The following DSCAML1 variants were observed in gnomAD, a reference collection of about 807,000 sequenced individuals.
The protein encoded by DSCAML1 is DS cell adhesion molecule like 1.
A neutral mutation model predicts 200.5 loss-of-function variants in DSCAML1; 38 were observed. The observed-to-expected ratio is 0.19, with a 90% CI of 0.15 to 0.25. The LOEUF is 0.25. DSCAML1 is among the 10% of genes least tolerant of loss of function. DSCAML1 has a pLI of 1.00. For synonymous variants in DSCAML1, 1,215 were observed against 1,165.0 expected (o/e 1.04, Z -0.87); for missense variants, 2,223 against 2,858.8 (o/e 0.78, Z 5.07).
intron 3 of DSCAML1, among the ~76,000 whole-genome samples, chr11:117,673,974 G>C (rs879701140): frequency 6.6e-6 from 1 of 152,194 alleles, no homozygotes; most frequent in Admixed American, 6.5e-5. Context: ...AATTAGAAGC[G>C]CATGTCCCAC....
intron 26 of DSCAML1, 98 bp from the exon 27 acceptor site, chr11:117,435,897 C>T (rs967524019): frequency 1.5e-6 from 2 of 1,371,178 alleles, no homozygotes; most frequent in African/African-American, 2.9e-5. Flanking sequence ...TCTCTTGCTG[C>T]CCTTGGGCTC....
intron 3 of DSCAML1, among the ~76,000 whole-genome samples, chr11:117,664,070 C>T (rs565057165): frequency 2.0e-5 from 3 of 152,268 alleles, no homozygotes; most frequent in South Asian, 4.2e-4. Flanking sequence ...GAGGAGGGGC[C>T]GGGCCTGGGA....
chr11:117,599,360 C>G (rs1565817265), intron 3 of DSCAML1, among the ~76,000 whole-genome samples: 1 of 152,198 alleles, frequency 6.6e-6, no homozygotes, highest in Non-Finnish European at 1.5e-5. Flanking sequence ...TTCCAAATGG[C>G]TTCTCCTAAT....
At chr11:117,434,225 T>C (rs184164549) in intron 27 of DSCAML1, among the ~76,000 whole-genome samples, 122 of 151,810 alleles carry the variant, frequency 8.0e-4, no homozygotes, top group Non-Finnish European at 1.4e-3. Flanking sequence ...TCCATCCATC[T>C]AACCACCTAC....
intron 3 of DSCAML1, among the ~76,000 whole-genome samples, chr11:117,739,142 T>A (rs2054376921): frequency 6.6e-6 from 1 of 152,156 alleles, no homozygotes; most frequent in Non-Finnish European, 1.5e-5. Flanking sequence ...GAAAGAAAAC[T>A]AAGCCTCAGA....
At chr11:117,731,613 C>T (rs1033735457) in intron 3 of DSCAML1, among the ~76,000 whole-genome samples, 2 of 152,212 alleles carry the variant, frequency 1.3e-5, no homozygotes, top group African/African-American at 2.4e-5. Flanking sequence ...GGGCAATCTG[C>T]CCTCCTCCAT....
chr11:117,657,559 G>C (rs1010716309), intron 3 of DSCAML1, among the ~76,000 whole-genome samples: 1 of 152,084 alleles, frequency 6.6e-6, no homozygotes, highest in Non-Finnish European at 1.5e-5. Flanking sequence ...TTAATGCTCC[G>C]TGTCAGTGAC....
At chr11:117,783,625 G>C (rs2134059100) in intron 1 of DSCAML1, among the ~76,000 whole-genome samples, 1 of 152,110 alleles carries the variant, frequency 6.6e-6, no homozygotes, top group African/African-American at 2.4e-5. Flanking sequence ...TTACTGATAA[G>C]GAAATTATGA....
At chr11:117,623,269 T>A (rs962272836) in intron 3 of DSCAML1, among the ~76,000 whole-genome samples, 1 of 139,960 alleles carries the variant, frequency 7.1e-6, no homozygotes, top group South Asian at 2.2e-4. Context: ...AGGCTGGGAG[T>A]GCAGTGGCGT....
intron 3 of DSCAML1, among the ~76,000 whole-genome samples, chr11:117,695,198 G>T (rs930932584): frequency 6.6e-6 from 1 of 152,046 alleles, no homozygotes; most frequent in Non-Finnish European, 1.5e-5. Flanking sequence ...AAGAGGACTT[G>T]GTTATCTATG....
intron 3 of DSCAML1, among the ~76,000 whole-genome samples, chr11:117,552,084 G>A (rs1296245970): frequency 2.0e-5 from 3 of 151,950 alleles, no homozygotes; most frequent in African/African-American, 7.3e-5. Context: ...GGAGAGAGGC[G>A]AGGAGCTGCG....
At chr11:117,521,012 C>T in intron 6 of DSCAML1, 118 bp downstream of exon 6, 1 of 1,358,284 alleles carries the variant, frequency 7.4e-7, no homozygotes, top group Non-Finnish European at 1.0e-6. Context: ...GTGCACCGGC[C>T]TGGTGTGTAG....
chr11:117,795,604 T>G (rs2055557428), intron 1 of DSCAML1, among the ~76,000 whole-genome samples: 1 of 152,176 alleles, frequency 6.6e-6, no homozygotes, highest in African/African-American at 2.4e-5. Context: ...CTCAACTACT[T>G]TGTCGACGAT....
chr11:117,542,319 AAAC>A (rs1457310119), intron 3 of DSCAML1, among the ~76,000 whole-genome samples: 2 of 100,342 alleles, frequency 2.0e-5, no homozygotes, highest in Non-Finnish European at 4.3e-5. Context: ...AAACAAAACA[AAAC>A]AAAACACAAA....
chr11:117,471,776 G>A, intron 15 of DSCAML1, 93 bp downstream of exon 15: 1 of 1,454,174 alleles, frequency 6.9e-7, no homozygotes, highest in Non-Finnish European at 9.3e-7. Flanking sequence ...CCCTTTAACT[G>A]CAAGCTCATT....
chr11:117,499,951 G>C (rs1226419143), intron 11 of DSCAML1, among the ~76,000 whole-genome samples: 1 of 152,228 alleles, frequency 6.6e-6, no homozygotes, highest in African/African-American at 2.4e-5. Flanking sequence ...TTGAAGCTTA[G>C]TGTCAAGAGT....
At chr11:117,591,342 C>T (rs576969060) in intron 3 of DSCAML1, among the ~76,000 whole-genome samples, 7 of 152,256 alleles carry the variant, frequency 4.6e-5, no homozygotes, top group East Asian at 3.9e-4. Context: ...CCCTGCATCC[C>T]GTCCTGAGCG....
At position 117,751,162 on chromosome 11, in the gene DSCAML1, C is replaced by T. The variant is rs1217611450; in HGVS notation, c.511+25629G>A. ...GACGTGACTCTGCATTATCCGGGCCCGTAATGAGTCCTCATTGCAATGGGT... is the reference window on the plus strand; with the variant it reads ...GACGTGACTCTGCATTATCCGGGCCTGTAATGAGTCCTCATTGCAATGGGT... On this transcript the variant is annotated intron_variant, in intron 3 of 32. Coordinates refer to ENST00000651296, the MANE Select transcript of DSCAML1 (RefSeq NM_020693.4). Among the ~76,000 whole-genome samples, 5 of 152,100 alleles carry T rather than the reference C, an allele frequency of 3.3e-5. No individual in the cohort carries two copies. The East Asian group carries it at 7.7e-4, about 23-fold the overall frequency.
At chr11:117,728,923 A>C (rs1329570558) in intron 3 of DSCAML1, among the ~76,000 whole-genome samples, 1 of 152,258 alleles carries the variant, frequency 6.6e-6, no homozygotes, top group African/African-American at 2.4e-5. Context: ...CTGATCTTTA[A>C]AAAAGTGTGT....
Sources: gnomAD v4.1 joint callset for allele counts (sites outside exome capture counted in the v4.1 genomes callset) on GRCh38, gnomAD v4.1.1 for gene constraint, MANE v1.5 for transcripts, NCBI Gene and HGNC (gene_info 2026-07-23, HGNC 2026-07-21) for gene names.